The following RAB3C variants were observed in gnomAD, a reference collection of about 807,000 sequenced individuals.
RAB3C encodes the protein ras-related protein Rab-3C.
A neutral mutation model predicts 26.4 loss-of-function variants in RAB3C; 17 were observed. That is an observed-to-expected ratio of 0.64 (90% CI 0.44 to 0.97). The LOEUF (loss-of-function observed/expected upper bound fraction) is 0.97, where lower values mean the gene tolerates loss of function less well. Among genes scored for constraint, RAB3C ranks in the 50% least tolerant of loss-of-function variants. The pLI, the probability that RAB3C is intolerant of heterozygous loss-of-function variation, is 0.00. For missense variants in RAB3C, 242 were observed against 281.9 expected, an observed-to-expected ratio of 0.86 and a Z score of 1.01; for synonymous variants, 91 against 95.9, an observed-to-expected ratio of 0.95 and a Z score of 0.30.
intron 1 of RAB3C, among the ~76,000 whole-genome samples, chr5:58,613,924 A>T (rs1035152781): frequency 3.3e-5 from 5 of 152,046 alleles, no homozygotes; most frequent in Non-Finnish European, 7.4e-5. Flanking sequence ...AGATACCTGA[A>T]GTTCTCTCTA....
intron 4 of RAB3C, among the ~76,000 whole-genome samples, chr5:58,850,278 G>A (rs566560008): frequency 1.3e-5 from 2 of 152,312 alleles, no homozygotes; most frequent in South Asian, 2.1e-4. Flanking sequence ...AACAATCTCT[G>A]GCAGCTCATT....
At chr5:58,604,601 A>G (rs1161967849) in intron 1 of RAB3C, among the ~76,000 whole-genome samples, 1 of 152,150 alleles carries the variant, frequency 6.6e-6, no homozygotes, top group Non-Finnish European at 1.5e-5. Flanking sequence ...GCCGGTAGTC[A>G]CAGGCCTCAC....
Position 58,797,347 on chromosome 5 carries a change from AAAAAAAATATGTATATATAT to A in RAB3C, c.372-27688_372-27669del, listed in dbSNP as rs1321232594. 2.1e-3 allele frequency among the ~76,000 whole-genome samples: 13 copies of A among 6,072 alleles called. 1 individual carries two copies. The highest frequency in any genetic ancestry group is 5.5e-3 in the African/African-American group (11 of 2,004). The allele number at this position is 6,072 out of a possible 152,430, so 4.0% of individuals were successfully genotyped here. A position where few individuals can be genotyped will look rare whatever the true frequency, so the allele number is the denominator to read the frequency against. On this transcript the variant is annotated intron_variant, in intron 3 of 4. Transcript: ENST00000282878. ...TCAGACTCCCTGGAAGACAAAAAAA[AAAAAAAATATGTATATATAT>A]AATATATATATATATATATATATAT...
chr5:58,679,054 T>C (rs1459244954), intron 2 of RAB3C, among the ~76,000 whole-genome samples: 2 of 152,028 alleles, frequency 1.3e-5, no homozygotes, highest in African/African-American at 2.4e-5. Context: ...TCCACCCCAA[T>C]GATGCAAGCC....
At chr5:58,670,870 A>G (rs1748101675) in intron 2 of RAB3C, among the ~76,000 whole-genome samples, 1 of 152,136 alleles carries the variant, frequency 6.6e-6, no homozygotes, top group Non-Finnish European at 1.5e-5. Flanking sequence ...TGACTTACAG[A>G]GCTCACTCCA....
intron 1 of RAB3C, among the ~76,000 whole-genome samples, chr5:58,600,379 A>G (rs945930632): frequency 6.6e-6 from 1 of 151,878 alleles, no homozygotes; most frequent in Non-Finnish European, 1.5e-5. Flanking sequence ...TGTGAAGAAT[A>G]ATGGTGATAT....
chr5:58,728,132 CT>C (rs1367829884), intron 3 of RAB3C, among the ~76,000 whole-genome samples: 2 of 152,028 alleles, frequency 1.3e-5, no homozygotes, highest in African/African-American at 4.8e-5. Flanking sequence ...CCCTTACCTA[CT>C]TTTTTCATCC....
intron 2 of RAB3C, among the ~76,000 whole-genome samples, chr5:58,725,482 G>T (rs1448897334): frequency 1.3e-5 from 2 of 151,734 alleles, no homozygotes; most frequent in East Asian, 1.9e-4. Context: ...TCAAGCTTTG[G>T]AAAGTTTTCT....
At chr5:58,612,346 G>T (rs961928859) in intron 1 of RAB3C, among the ~76,000 whole-genome samples, 4 of 151,566 alleles carry the variant, frequency 2.6e-5, no homozygotes, top group Admixed American at 1.3e-4. Flanking sequence ...TAATGATATT[G>T]CTTCTTCCTA....
intron 2 of RAB3C, among the ~76,000 whole-genome samples, chr5:58,620,574 C>T (rs910862751): frequency 2.6e-5 from 4 of 152,126 alleles, no homozygotes; most frequent in African/African-American, 9.7e-5. Flanking sequence ...ATATGTTAGG[C>T]ATTATCTTTG....
chr5:58,833,440 G>C (rs1743666264), intron 4 of RAB3C, among the ~76,000 whole-genome samples: 1 of 151,940 alleles, frequency 6.6e-6, no homozygotes, highest in East Asian at 1.9e-4. Flanking sequence ...CTAATGTACA[G>C]CCATGGTTGA....
intron 2 of RAB3C, among the ~76,000 whole-genome samples, chr5:58,678,822 T>C (rs1748286211): frequency 6.6e-6 from 1 of 152,226 alleles, no homozygotes; most frequent in Admixed American, 6.5e-5. Flanking sequence ...GCTAAGCTCT[T>C]TTATTATTGA....
intron 2 of RAB3C, among the ~76,000 whole-genome samples, chr5:58,698,479 T>C (rs568468505): frequency 2.6e-5 from 4 of 152,336 alleles, no homozygotes; most frequent in African/African-American, 9.6e-5. Context: ...CTTTGCTTGC[T>C]AGGTTGGGGA....
At chr5:58,662,980 C>T (rs1446618282) in intron 2 of RAB3C, among the ~76,000 whole-genome samples, 2 of 150,240 alleles carry the variant, frequency 1.3e-5, no homozygotes, top group Admixed American at 1.3e-4. Context: ...GTATCTTCTT[C>T]CCTCAAGGAG....
At chr5:58,634,557 C>T (rs951465805) in intron 2 of RAB3C, among the ~76,000 whole-genome samples, 1 of 152,174 alleles carries the variant, frequency 6.6e-6, no homozygotes, top group South Asian at 2.1e-4. Flanking sequence ...AATGGTAAGA[C>T]TCAAGAAATA....
chr5:58,715,363 A>AT (rs1315042053), intron 2 of RAB3C, among the ~76,000 whole-genome samples: 2 of 151,552 alleles, frequency 1.3e-5, no homozygotes, highest in Admixed American at 6.6e-5. Flanking sequence ...ATCTTAGGTG[A>AT]TTTTTTTTCT....
chr5:58,698,983 C>T (rs569121870), intron 2 of RAB3C, among the ~76,000 whole-genome samples: 10 of 152,264 alleles, frequency 6.6e-5, no homozygotes, highest in South Asian at 4.1e-4. Context: ...CAAGGAGCTG[C>T]GATCCTTTGG....
intron 2 of RAB3C, among the ~76,000 whole-genome samples, chr5:58,704,317 A>G (rs1748903489): frequency 6.6e-6 from 1 of 152,216 alleles, no homozygotes; most frequent in Middle Eastern, 3.2e-3. Context: ...TGCTAACTGC[A>G]TACTGCTTGG....
At chr5:58,638,838 G>A (rs1747346514) in intron 2 of RAB3C, among the ~76,000 whole-genome samples, 1 of 152,232 alleles carries the variant, frequency 6.6e-6, no homozygotes, top group African/African-American at 2.4e-5. Context: ...CAGGTGTGTA[G>A]CAGGTGCCTC....
Sources: gnomAD v4.1 joint callset for allele counts (sites outside exome capture counted in the v4.1 genomes callset) on GRCh38, gnomAD v4.1.1 for gene constraint, MANE v1.5 for transcripts, NCBI Gene and HGNC (gene_info 2026-07-23, HGNC 2026-07-21) for gene names.